Variants in SPC25 observed in about 807,000 individuals in gnomAD.
The protein encoded by SPC25 is kinetochore protein Spc25.
Under a neutral mutation model 29.6 loss-of-function variants are expected in SPC25, and 22 were observed. The ratio of observed to expected loss-of-function variants is 0.74; its 90% CI spans 0.53 to 1.06. The LOEUF is 1.06. Ranked by LOEUF, SPC25 falls within the 50% of genes least tolerant of loss-of-function variation. The pLI is 0.00. For synonymous variants in SPC25, 91 were observed against 90.4 expected (o/e 1.01, Z -0.04); for missense variants, 230 against 255.8 (o/e 0.90, Z 0.69).
rs1690333441 is a variant in SPC25, at chr2:168,889,026, T to TATATATAC, written c.199+192_199+199dup. Among the ~76,000 whole-genome samples the TATATATAC allele has an allele frequency of 8.9e-4, 46 of 51,742 alleles. 2 individuals carry two copies. The highest frequency in any genetic ancestry group is 3.5e-3 in the African/African-American group (44 of 12,566). 33.9% of individuals were successfully genotyped at this position (51,742 alleles called of 152,430 possible). On this transcript the variant is annotated intron_variant, in intron 3 of 6. Coordinates refer to ENST00000282074, the MANE Select transcript of SPC25 (RefSeq NM_020675.4). ...ACACATATATGTATATATATACACA[T>TATATATAC]ATATATACATATATATATACACATA... is the stretch of plus-strand genomic sequence containing the variant.
At chr2:168,862,892 G>A (rs559736582) in intron 4 of SPC25, among the ~76,000 whole-genome samples, 20 of 152,308 alleles carry the variant, frequency 1.3e-4, no homozygotes, top group African/African-American at 4.8e-4. Context: ...GGCTCCCAGA[G>A]CCAATGGAAA....
At chr2:168,879,725 G>A (rs1690143243) in intron 3 of SPC25, among the ~76,000 whole-genome samples, 1 of 152,124 alleles carries the variant, frequency 6.6e-6, no homozygotes, top group African/African-American at 2.4e-5. Flanking sequence ...ATTTTGCCCA[G>A]ATCTATCAGA....
intron 4 of SPC25, 125 bp downstream of exon 4, chr2:168,877,112 TG>T: frequency 1.1e-6 from 1 of 945,152 alleles, no homozygotes; most frequent in Non-Finnish European, 1.5e-6. Flanking sequence ...GATGAGTGGC[TG>T]GTTATGCCCT....
In SPC25 at chr2:168,871,072, C is replaced by A. The variant is rs143148912; in HGVS notation, c.*359G>T. On this transcript the variant is annotated 3_prime_UTR_variant, in exon 7 of 7. Coordinates refer to ENST00000282074, the MANE Select transcript of SPC25 (RefSeq NM_020675.4). ...GTCCTTTGTAGGAACATGGATGAAG[C>A]TGGAAACCATCATTCTCAGCAAACT... 4.6e-3 allele frequency: 707 copies of A among 154,706 alleles called. 38 individuals are homozygous for A. In the East Asian group the frequency reaches 0.11, roughly 24 times the overall value. 9.6% of individuals were successfully genotyped at this position (154,706 alleles called of 1,614,324 possible).
rs182139142 is a variant in SPC25 at position 168,872,944 on chromosome 2, C to T, written c.550+641G>A. Among the ~76,000 whole-genome samples, 351 of 152,106 alleles carry T rather than the reference C, an allele frequency of 2.3e-3. 1 individual carries two copies. Among genetic ancestry groups the T allele is most frequent in the Non-Finnish European group, 4.0e-3 (270 of 68,002 alleles). On this transcript the variant is annotated intron_variant, in intron 6 of 6. Transcript: ENST00000282074. Reference sequence around the variant, plus strand: ...TAGCATAGGTGTAATGAGCTGAGAACCATTTTTATGAATTCCAATAAATTA... The same window carrying T: ...TAGCATAGGTGTAATGAGCTGAGAATCATTTTTATGAATTCCAATAAATTA...
At chr2:168,880,317 C>T (rs1021090056) in intron 3 of SPC25, among the ~76,000 whole-genome samples, 21 of 152,226 alleles carry the variant, frequency 1.4e-4, no homozygotes, top group Non-Finnish European at 2.5e-4. Context: ...TACATTAGCA[C>T]TTCTGCTTCA....
At chr2:168,877,651 A>C (rs560326119) in intron 3 of SPC25, among the ~76,000 whole-genome samples, 1 of 152,304 alleles carries the variant, frequency 6.6e-6, no homozygotes, top group East Asian at 1.9e-4. Flanking sequence ...AAATCAAAAG[A>C]TCATGACCCT....
At position 168,862,118 on chromosome 2, in the gene SPC25, T is replaced by G. The variant is rs139967057; in HGVS notation, n.419+11467A>C. 1.5e-4 allele frequency: 203 copies of G among 1,398,766 alleles called. 1 individual carries two copies. In the East Asian group the frequency reaches 4.4e-3, roughly 30 times the overall value. 86.6% of individuals were successfully genotyped at this position (1,398,766 alleles called of 1,614,324 possible). ...GATTCTTAGCATGAATAAAACCCTG[T>G]CTTAGTGTGGCAGCCTTAAGAGTTA... On this transcript the variant is annotated intron_variant and non_coding_transcript_variant, in intron 4 of 4. Transcript: ENST00000479309.
chr2:168,875,458 A>C (rs1165363762), intron 5 of SPC25, among the ~76,000 whole-genome samples: 1 of 152,196 alleles, frequency 6.6e-6, no homozygotes, highest in Non-Finnish European at 1.5e-5. Flanking sequence ...TAGGCACAGA[A>C]AGAGATTAAC....
chr2:168,878,020 G>T (rs57466878), intron 3 of SPC25, among the ~76,000 whole-genome samples: 2,542 of 152,128 alleles, frequency 0.017, 68 homozygotes, highest in African/African-American at 0.056. Context: ...TCTAGAAGAT[G>T]GTTTTAAACA....
At chr2:168,877,531 A>T (rs1028044356) in intron 3 of SPC25, 147 bp from the exon 4 acceptor site, 15 of 962,244 alleles carry the variant, frequency 1.6e-5, no homozygotes, top group Non-Finnish European at 1.9e-5. Context: ...ATTATAAAAG[A>T]CAAAAAAGAA....
intron 3 of SPC25, among the ~76,000 whole-genome samples, chr2:168,886,319 G>C (rs1308223156): frequency 6.6e-6 from 1 of 151,648 alleles, no homozygotes; most frequent in African/African-American, 2.4e-5. Context: ...GCCTCCCAAA[G>C]TGCTGGGATT....
rs1426169192 is a variant in SPC25, at chr2:168,890,348, T to C, written c.-45A>G. 2 of 985,296 alleles carry C rather than the reference T, an allele frequency of 2.0e-6. No homozygotes were observed. The highest frequency in any genetic ancestry group is 3.5e-5 in the African/African-American group (2 of 57,192). The allele number at this position is 985,296 out of a possible 1,614,324, so 61.0% of individuals were successfully genotyped here. A position where few individuals can be genotyped will look rare whatever the true frequency, so the allele number is the denominator to read the frequency against. The stretch of plus-strand genomic sequence containing the variant: ...CAGGCAGGCCTGAGTCCCGCCGCCT[T>C]CCCCACACCAGATCCGCGCCCACTC... On this transcript the variant is annotated 5_prime_UTR_variant, in exon 1 of 7. Transcript: ENST00000282074.
downstream of SPC25, among the ~76,000 whole-genome samples, chr2:168,867,471 G>A (rs1260442214): frequency 7.2e-5 from 11 of 152,228 alleles, no homozygotes; most frequent in Non-Finnish European, 1.6e-4. Context: ...ACCCATCAGT[G>A]TGCTGTATTC....
At chr2:168,862,269 C>G (rs958650046) in intron 4 of SPC25, among the ~76,000 whole-genome samples, 1 of 152,154 alleles carries the variant, frequency 6.6e-6, no homozygotes, top group Non-Finnish European at 1.5e-5. Flanking sequence ...GGCCTATTGT[C>G]CAATTTAATA....
Position 168,889,392 on chromosome 2 carries a change from AATGCTTTG to A in SPC25, c.120_127del (p.Lys41CysfsTer16), listed in dbSNP as rs1200737321. ...TACAAGTTAACACTAGGTACCTGCA[AATGCTTTG>A]ATGGAATCCTTGTAGGTATCTCTTA... On this transcript the variant is annotated frameshift_variant, in exon 2 of 7. Transcript: ENST00000282074. LOFTEE classifies it high-confidence loss of function. 6.2e-7 allele frequency: 1 copy of A among 1,614,032 alleles called. No homozygotes were observed. Among genetic ancestry groups the A allele is most frequent in the Non-Finnish European group, 8.5e-7 (1 of 1,180,032 alleles).
chr2:168,865,023 G>C (rs1689776299), intron 4 of SPC25: 1 of 1,582,572 alleles, frequency 6.3e-7, no homozygotes, highest in Non-Finnish European at 8.6e-7. Flanking sequence ...AATACAGTGT[G>C]GTTCAAATAA....
chr2:168,874,522 G>C (rs1463048775), intron 5 of SPC25, among the ~76,000 whole-genome samples: 1 of 152,096 alleles, frequency 6.6e-6, no homozygotes, highest in African/African-American at 2.4e-5. Flanking sequence ...ACATACAATG[G>C]AACATTGTTC....
At chr2:168,890,002 G>C (rs1690364743) in intron 1 of SPC25, among the ~76,000 whole-genome samples, 1 of 152,114 alleles carries the variant, frequency 6.6e-6, no homozygotes, top group Admixed American at 6.5e-5. Context: ...GAGTTTAGTA[G>C]GTTCCGTCGA....
Sources: gnomAD v4.1 joint callset for allele counts (sites outside exome capture counted in the v4.1 genomes callset) on GRCh38, gnomAD v4.1.1 for gene constraint, MANE v1.5 for transcripts, NCBI Gene and HGNC (gene_info 2026-07-23, HGNC 2026-07-21) for gene names.